Variants in NPAS3 observed in about 807,000 individuals in gnomAD.
NPAS3 encodes the protein neuronal PAS domain protein 3, also known as neuronal PAS domain-containing protein 3.
In NPAS3, 14 loss-of-function variants were observed where a neutral mutation model predicts 73.1. The ratio of observed to expected loss-of-function variants is 0.19; its 90% confidence interval spans 0.13 to 0.30. The LOEUF (loss-of-function observed/expected upper bound fraction) is 0.30. Ranked by LOEUF, NPAS3 falls within the 10% of genes least tolerant of loss-of-function variation. The pLI is 1.00. For synonymous variants in NPAS3, 620 were observed against 541.5 expected (o/e 1.14, Z -2.01); for missense variants, 1,096 against 1,250.0 (o/e 0.88, Z 1.86).
At chr14:33,794,161 G>T in intron 10 of NPAS3, 117 bp downstream of exon 10, 1 of 839,288 alleles carries the variant, frequency 1.2e-6, no homozygotes, top group East Asian at 2.6e-5. Flanking sequence ...TACCTGGTGT[G>T]GAATTTCATG....
At chr14:33,353,007 A>G (rs2045147498) in intron 3 of NPAS3, among the ~76,000 whole-genome samples, 1 of 152,156 alleles carries the variant, frequency 6.6e-6, no homozygotes, top group African/African-American at 2.4e-5. Context: ...AGCTAAGGGG[A>G]GCAAGTTGAG....
chr14:33,279,573 G>T (rs973071179), intron 3 of NPAS3, among the ~76,000 whole-genome samples: 3 of 152,116 alleles, frequency 2.0e-5, no homozygotes, highest in Non-Finnish European at 2.9e-5. Flanking sequence ...TGTTAGACAT[G>T]CAGCATCTTA....
intron 3 of NPAS3, among the ~76,000 whole-genome samples, chr14:33,356,638 G>A (rs547183152): frequency 4.6e-5 from 7 of 152,164 alleles, no homozygotes; most frequent in Non-Finnish European, 8.8e-5. Flanking sequence ...GATGACACAG[G>A]GCATCTGTGG....
intron 4 of NPAS3, among the ~76,000 whole-genome samples, chr14:33,379,824 T>C (rs1197636551): frequency 6.6e-6 from 1 of 152,124 alleles, no homozygotes; most frequent in Non-Finnish European, 1.5e-5. Flanking sequence ...AAGAATCAAA[T>C]CAAAATTATT....
intron 2 of NPAS3, among the ~76,000 whole-genome samples, chr14:33,118,844 G>A (rs2043146347): frequency 6.6e-6 from 1 of 151,648 alleles, no homozygotes; most frequent in South Asian, 2.1e-4. Flanking sequence ...AATTCCTTTA[G>A]GGCAAGACAG....
chr14:32,985,032 C>T (rs2038043456), intron 1 of NPAS3, among the ~76,000 whole-genome samples: 1 of 151,996 alleles, frequency 6.6e-6, no homozygotes, highest in African/African-American at 2.4e-5. Flanking sequence ...AATTTGAGAG[C>T]CAAATTATAT....
chr14:33,367,633 G>C (rs951229887), intron 4 of NPAS3, among the ~76,000 whole-genome samples: 2 of 151,002 alleles, frequency 1.3e-5, no homozygotes, highest in African/African-American at 4.9e-5. Context: ...GAAGAGCAAA[G>C]TTTTGTTGTG....
chr14:33,264,729 A>C (rs1357734646), intron 3 of NPAS3, among the ~76,000 whole-genome samples: 1 of 152,122 alleles, frequency 6.6e-6, no homozygotes, highest in African/African-American at 2.4e-5. Flanking sequence ...TGTGAATGAT[A>C]GAAGGTGATC....
chr14:33,228,955 A>G (rs1260424226), intron 3 of NPAS3, among the ~76,000 whole-genome samples: 1 of 152,158 alleles, frequency 6.6e-6, no homozygotes, highest in African/African-American at 2.4e-5. Flanking sequence ...TCTACTTTGA[A>G]GTATTTGCCA....
intron 1 of NPAS3, among the ~76,000 whole-genome samples, chr14:32,954,789 T>C (rs961019121): frequency 2.6e-5 from 4 of 152,156 alleles, no homozygotes; most frequent in Non-Finnish European, 4.4e-5. Flanking sequence ...TCTGATTCCA[T>C]AGTAACTGTC....
intron 3 of NPAS3, among the ~76,000 whole-genome samples, chr14:33,273,761 G>A (rs1013231973): frequency 6.6e-6 from 1 of 152,134 alleles, no homozygotes; most frequent in African/African-American, 2.4e-5. Flanking sequence ...GTAACTACCT[G>A]AAGGCAGGGG....
intron 1 of NPAS3, among the ~76,000 whole-genome samples, chr14:33,038,573 G>A (rs1418520569): frequency 6.6e-6 from 1 of 152,088 alleles, no homozygotes; most frequent in Non-Finnish European, 1.5e-5. Flanking sequence ...AATGTGTAGT[G>A]AAATTAGCTT....
intron 2 of NPAS3, among the ~76,000 whole-genome samples, chr14:33,097,682 T>A (rs1452850446): frequency 6.6e-6 from 1 of 152,254 alleles, no homozygotes; most frequent in Non-Finnish European, 1.5e-5. Context: ...ATCTGTTTTC[T>A]GTCGTTCATT....
chr14:33,056,045 G>A (rs2040875568), intron 2 of NPAS3, 51 bp downstream of exon 2: 1 of 756,876 alleles, frequency 1.3e-6, no homozygotes, highest in African/African-American at 1.7e-5. Flanking sequence ...ATCAGTGCTT[G>A]TGGTTGCCAG....
intron 2 of NPAS3, among the ~76,000 whole-genome samples, chr14:33,099,014 A>T (rs1269579562): frequency 6.6e-6 from 1 of 152,210 alleles, no homozygotes; most frequent in East Asian, 1.9e-4. Flanking sequence ...AGCCGAGTCT[A>T]TCCAGAGAAA....
chr14:33,442,408 G>A (rs1449911309), intron 4 of NPAS3, among the ~76,000 whole-genome samples: 1 of 116,436 alleles, frequency 8.6e-6, no homozygotes, highest in Non-Finnish European at 1.6e-5. Flanking sequence ...GCAAGTTCCT[G>A]TCTTAAAAAA....
intron 5 of NPAS3, among the ~76,000 whole-genome samples, chr14:33,623,680 C>T (rs751188406): frequency 6.6e-6 from 1 of 152,168 alleles, no homozygotes; most frequent in Non-Finnish European, 1.5e-5. Context: ...GCTATAAGCC[C>T]TCTGTGACCT....
intron 3 of NPAS3, among the ~76,000 whole-genome samples, chr14:33,289,821 C>CAA (rs34641267): frequency 3.5e-5 from 5 of 142,110 alleles, no homozygotes; most frequent in Non-Finnish European, 7.7e-5. Flanking sequence ...GACTCCGTCT[C>CAA]AAAAAAAAAA....
intron 3 of NPAS3, among the ~76,000 whole-genome samples, chr14:33,338,268 T>C (rs1367177200): frequency 6.6e-6 from 1 of 152,120 alleles, no homozygotes; most frequent in East Asian, 1.9e-4. Context: ...TTTGCTTTCT[T>C]CCTAAGAATT....
Sources: allele counts gnomAD v4.1 joint callset (sites outside exome capture counted in the v4.1 genomes callset), GRCh38; gene constraint gnomAD v4.1.1; transcripts MANE v1.5; gene names NCBI Gene and HGNC (gene_info 2026-07-23, HGNC 2026-07-21).